The following TMEM38B variants were observed in gnomAD, a reference collection of about 807,000 sequenced individuals.
The protein encoded by TMEM38B is trimeric intracellular cation channel type B.
In TMEM38B, 24 loss-of-function variants were observed where a neutral mutation model predicts 28.7. The ratio of observed to expected loss-of-function variants is 0.84; its 90% confidence interval spans 0.61 to 1.18. The LOEUF is 1.18. Ranked by LOEUF, TMEM38B falls within the 50% of genes most tolerant of loss-of-function variation. The pLI is 0.00. For synonymous variants in TMEM38B, 131 were observed against 127.7 expected, an observed-to-expected ratio of 1.03 and a Z score of -0.17; for missense variants, 380 against 350.9, an observed-to-expected ratio of 1.08 and a Z score of -0.66.
chr9:105,760,612 C>G (rs1838006528), intron 5 of TMEM38B: 1 of 770,898 alleles, frequency 1.3e-6, no homozygotes. Context: ...AAAACTAAAA[C>G]AGTTTCAGAA....
In TMEM38B at chr9:105,722,545, A is replaced by G. The variant is rs1836357311; in HGVS notation, c.466A>G (p.Thr156Ala). 5.6e-6 allele frequency: 9 copies of G among 1,613,342 alleles called. No homozygotes were observed. The highest frequency in any genetic ancestry group is 2.2e-5 in the East Asian group (1 of 44,810). ...AIGWARGAGGTIITNFERLVK... is the reference protein window; with the variant it reads ...AIGWARGAGGAIITNFERLVK... ...TTTCATATTTTTAGGTGCAGGTGGT[A>G]CCATTATAACGAATTTTGAGAGGTT... Residue 156 changes from threonine (T) to alanine (A), a missense_variant, in exon 4 of 6, where the codon ACC becomes GCC. Coordinates refer to ENST00000374692, the MANE Select transcript of TMEM38B (RefSeq NM_018112.3).
intron 4 of TMEM38B, among the ~76,000 whole-genome samples, chr9:105,730,348 T>C (rs905218619): frequency 4.0e-5 from 6 of 151,818 alleles, no homozygotes; most frequent in African/African-American, 1.2e-4. Flanking sequence ...TGTGGTTTTT[T>C]CGTTGGTCCT....
chr9:105,756,178 A>G (rs1588462650), intron 5 of TMEM38B, among the ~76,000 whole-genome samples: 1 of 152,184 alleles, frequency 6.6e-6, no homozygotes, highest in Admixed American at 6.5e-5. Context: ...AATAAAATAG[A>G]AGGTAGATTC....
At chr9:105,717,249 C>T (rs1230944350) in intron 2 of TMEM38B, among the ~76,000 whole-genome samples, 1 of 151,960 alleles carries the variant, frequency 6.6e-6, no homozygotes, top group East Asian at 1.9e-4. Flanking sequence ...CTTCATGATG[C>T]CCAGAGAAAT....
At chr9:105,769,877 A>G (rs1826491202) in intron 5 of TMEM38B, among the ~76,000 whole-genome samples, 1 of 152,146 alleles carries the variant, frequency 6.6e-6, no homozygotes, top group Admixed American at 6.5e-5. Context: ...AAGTTCTCTA[A>G]TATTTAGAGA....
At chr9:105,712,918 G>T (rs1456333250) in intron 2 of TMEM38B, among the ~76,000 whole-genome samples, 1 of 152,206 alleles carries the variant, frequency 6.6e-6, no homozygotes, top group Non-Finnish European at 1.5e-5. Context: ...GAGCTTTGGG[G>T]CCACAAAGGG....
chr9:105,759,686 TAG>T (rs1159385568), intron 5 of TMEM38B: 1 of 1,599,422 alleles, frequency 6.3e-7, no homozygotes, highest in East Asian at 2.2e-5. Context: ...AAACTGTTTT[TAG>T]AGTCTAAGCC....
chr9:105,750,372 C>A (rs1037692692), intron 5 of TMEM38B, among the ~76,000 whole-genome samples: 6 of 151,984 alleles, frequency 3.9e-5, no homozygotes, highest in African/African-American at 1.5e-4. Context: ...ACCTATAATC[C>A]CAGCACTTTG....
chr9:105,713,580 G>A (rs535137699), intron 2 of TMEM38B, among the ~76,000 whole-genome samples: 2 of 152,330 alleles, frequency 1.3e-5, no homozygotes, highest in Admixed American at 1.3e-4. Context: ...GGGTGGCCAG[G>A]CGCTGGCCTG....
intron 2 of TMEM38B, among the ~76,000 whole-genome samples, chr9:105,716,047 G>A (rs1836086884): frequency 6.6e-6 from 1 of 152,178 alleles, no homozygotes; most frequent in African/African-American, 2.4e-5. Flanking sequence ...TTGTTTTTAT[G>A]TAGTGTTCAA....
rs140776808 is a variant in TMEM38B at position 105,761,074 on chromosome 9, A to G, written c.661-12791A>G. Among the ~76,000 whole-genome samples the G allele has an allele frequency of 4.5e-3, 681 of 152,342 alleles. 4 individuals are homozygous for G. Among genetic ancestry groups the G allele is most frequent in the Middle Eastern group, 0.014 (4 of 294 alleles). On this transcript the variant is annotated intron_variant, in intron 5 of 5. Coordinates refer to ENST00000374692, the MANE Select transcript of TMEM38B (RefSeq NM_018112.3). The stretch of plus-strand genomic sequence containing the variant: ...GAGCTATGTTCATCAAGATTAAACT[A>G]TAATTCTGTTTTTAAAAGAAAATTT...
chr9:105,709,917 A>G (rs755482614), intron 2 of TMEM38B, among the ~76,000 whole-genome samples: 3 of 152,240 alleles, frequency 2.0e-5, no homozygotes, highest in Non-Finnish European at 4.4e-5. Flanking sequence ...GTAAGAGACT[A>G]CGGCTGTCTT....
intron 4 of TMEM38B, among the ~76,000 whole-genome samples, chr9:105,743,234 G>A (rs1173450154): frequency 6.6e-6 from 1 of 152,166 alleles, no homozygotes; most frequent in Non-Finnish European, 1.5e-5. Flanking sequence ...TTTTAACTGA[G>A]TGATACTGAT....
chr9:105,765,890 C>T lies in TMEM38B; in HGVS notation c.661-7975C>T, dbSNP rs187559341. ...GATCTTGGCTCACTGCAACCTCCGC[C>T]GCATGGGTTCAAGTGATTCTCCTGC... On this transcript the variant is annotated intron_variant, in intron 5 of 5. Coordinates refer to ENST00000374692, the MANE Select transcript of TMEM38B (RefSeq NM_018112.3). 2.8e-4 allele frequency among the ~76,000 whole-genome samples: 42 copies of T among 152,182 alleles called. 2 individuals carry two copies. The highest frequency in any genetic ancestry group is 1.9e-3 in the East Asian group (10 of 5,194).
At chr9:105,714,697 C>T (rs1254920224) in intron 2 of TMEM38B, among the ~76,000 whole-genome samples, 25 of 152,156 alleles carry the variant, frequency 1.6e-4, no homozygotes, top group Non-Finnish European at 1.5e-5. Flanking sequence ...CCAGTGGAAG[C>T]CTCTTCAGAT....
chr9:105,745,293 A>C (rs1353865320), intron 4 of TMEM38B, among the ~76,000 whole-genome samples: 1 of 152,158 alleles, frequency 6.6e-6, no homozygotes, highest in Non-Finnish European at 1.5e-5. Context: ...CTGGTGTGAG[A>C]TGGTATCTCA....
intron 5 of TMEM38B, among the ~76,000 whole-genome samples, chr9:105,751,941 A>AG (rs1491183718): frequency 6.6e-6 from 1 of 152,036 alleles, no homozygotes; most frequent in Non-Finnish European, 1.5e-5. Flanking sequence ...CGTAGCTCTC[A>AG]GGGGGAGGAG....
chr9:105,713,804 A>G (rs1835996324), intron 2 of TMEM38B, among the ~76,000 whole-genome samples: 1 of 152,156 alleles, frequency 6.6e-6, no homozygotes, highest in Non-Finnish European at 1.5e-5. Flanking sequence ...CTGCTCATGG[A>G]CAAATCAGCA....
intron 5 of TMEM38B, among the ~76,000 whole-genome samples, chr9:105,769,741 T>TA (rs2133654072): frequency 6.6e-6 from 1 of 152,284 alleles, no homozygotes; most frequent in Non-Finnish European, 1.5e-5. Context: ...TCTAGCTCTG[T>TA]AAAAAACCAT....
Sources: allele counts gnomAD v4.1 joint callset (sites outside exome capture counted in the v4.1 genomes callset), GRCh38; gene constraint gnomAD v4.1.1; transcripts MANE v1.5; gene names NCBI Gene and HGNC (gene_info 2026-07-23, HGNC 2026-07-21).